Variants in MAML2 observed in about 807,000 individuals in gnomAD.
The protein encoded by MAML2 is mastermind-like protein 2.
Under a neutral mutation model 96.1 loss-of-function variants are expected in MAML2, and 22 were observed. The observed-to-expected ratio is 0.23, with a 90% CI of 0.16 to 0.33. The LOEUF (loss-of-function observed/expected upper bound fraction) is 0.33, where lower values mean the gene tolerates loss of function less well. Ranked by LOEUF, MAML2 falls within the 10% of genes least tolerant of loss-of-function variation. The pLI is 1.00. For synonymous variants in MAML2, 561 were observed against 521.3 expected, an observed-to-expected ratio of 1.08 and a Z score of -1.04; for missense variants, 1,367 against 1,392.4, an observed-to-expected ratio of 0.98 and a Z score of 0.29.
chr11:95,983,197 T>TA (rs1857768936), intron 4 of MAML2, among the ~76,000 whole-genome samples: 1 of 152,200 alleles, frequency 6.6e-6, no homozygotes, highest in Non-Finnish European at 1.5e-5. Flanking sequence ...ATGACAGTGA[T>TA]ATTGATGATC....
At chr11:96,212,150 T>TGTGTGTG (rs60072122) in intron 1 of MAML2, among the ~76,000 whole-genome samples, 1 of 127,486 alleles carries the variant, frequency 7.8e-6, no homozygotes, top group Non-Finnish European at 1.7e-5. Context: ...TGTGTGTGTG[T>TGTGTGTG]GGAAGGGGGA....
intron 3 of MAML2, among the ~76,000 whole-genome samples, chr11:95,986,930 C>T (rs1857837600): frequency 6.6e-6 from 1 of 152,148 alleles, no homozygotes; most frequent in African/African-American, 2.4e-5. Context: ...ATGTCAATAT[C>T]CTCAGTCAAA....
chr11:96,340,269 T>C lies in MAML2; in HGVS notation c.513+1114A>G, dbSNP rs532044684. The stretch of plus-strand genomic sequence containing the variant: ...CATCTCCTTTGGGCTTTTTGAGTAC[T>C]TTGGGGCTTGCATGGCCATTTCCTG... On this transcript the variant is annotated intron_variant, in intron 1 of 4. Transcript: ENST00000524717. 4.9e-4 allele frequency among the ~76,000 whole-genome samples: 74 copies of C among 152,358 alleles called. 1 individual carries two copies. In the South Asian group the frequency reaches 0.015, roughly 32 times the overall value.
At chr11:96,144,299 T>C (rs1234213309) in intron 1 of MAML2, among the ~76,000 whole-genome samples, 1 of 152,222 alleles carries the variant, frequency 6.6e-6, no homozygotes, top group East Asian at 1.9e-4. Flanking sequence ...ATTTTTATAA[T>C]GTAGTTAAGA....
At chr11:96,265,779 G>A (rs1862817194) in intron 1 of MAML2, among the ~76,000 whole-genome samples, 1 of 152,180 alleles carries the variant, frequency 6.6e-6, no homozygotes, top group African/African-American at 2.4e-5. Flanking sequence ...TGGGGCAGTT[G>A]GAGGAGCGCT....
At chr11:96,022,621 T>C (rs540794334) in intron 2 of MAML2, among the ~76,000 whole-genome samples, 10 of 152,292 alleles carry the variant, frequency 6.6e-5, no homozygotes, top group African/African-American at 2.4e-4. Context: ...AGCACTAGGC[T>C]AAGAGGCAAA....
chr11:96,306,272 C>T (rs1397923128), intron 1 of MAML2, among the ~76,000 whole-genome samples: 2 of 152,158 alleles, frequency 1.3e-5, no homozygotes, highest in East Asian at 3.9e-4. Context: ...GCTCTTCTCT[C>T]CTCTTCCAAG....
At chr11:96,020,760 TA>T (rs1858424104) in intron 2 of MAML2, among the ~76,000 whole-genome samples, 1 of 152,222 alleles carries the variant, frequency 6.6e-6, no homozygotes, top group Non-Finnish European at 1.5e-5. Context: ...TATAAATGAA[TA>T]AAACAGGAAT....
intron 1 of MAML2, among the ~76,000 whole-genome samples, chr11:96,182,712 C>T (rs1479593378): frequency 2.0e-5 from 3 of 152,142 alleles, no homozygotes; most frequent in Non-Finnish European, 2.9e-5. Flanking sequence ...CACAAGTCCA[C>T]ACAGCTAGTA....
At chr11:96,123,048 T>C (rs1860377473) in intron 1 of MAML2, among the ~76,000 whole-genome samples, 1 of 152,210 alleles carries the variant, frequency 6.6e-6, no homozygotes. Flanking sequence ...AGCCTTCTAC[T>C]CCTGGATACT....
intron 2 of MAML2, among the ~76,000 whole-genome samples, chr11:96,090,726 T>C (rs1859690009): frequency 6.6e-6 from 1 of 152,240 alleles, no homozygotes; most frequent in South Asian, 2.1e-4. Context: ...AAAGCTGTGC[T>C]TAGTGCATAA....
intron 2 of MAML2, among the ~76,000 whole-genome samples, chr11:96,053,850 C>T (rs1859023456): frequency 6.6e-6 from 1 of 152,124 alleles, no homozygotes; most frequent in African/African-American, 2.4e-5. Context: ...GAACATCTTT[C>T]CTTTCTCTCT....
At position 96,342,312 on chromosome 11, in the gene MAML2, T is replaced by A; in HGVS notation, c.-417A>T. 1 of 419,772 alleles carries A rather than the reference T, an allele frequency of 2.4e-6. No homozygotes were observed. Among genetic ancestry groups the A allele is most frequent in the Non-Finnish European group, 4.2e-6 (1 of 237,738 alleles). The allele number at this position is 419,772 out of a possible 1,614,324, so 26.0% of individuals were successfully genotyped here. ...AGAGACAGAAACACACAGCAAAAGG[T>A]ATTGAGAGAGGTATTAATAGAGAGG... On this transcript the variant is annotated 5_prime_UTR_variant, in exon 1 of 5. Coordinates refer to ENST00000524717, the MANE Select transcript of MAML2 (RefSeq NM_032427.4).
intron 1 of MAML2, among the ~76,000 whole-genome samples, chr11:96,176,484 C>T (rs1370744991): frequency 6.6e-6 from 1 of 151,890 alleles, no homozygotes; most frequent in Non-Finnish European, 1.5e-5. Flanking sequence ...GCTAAGGTAC[C>T]CTGGATCTAT....
In MAML2 at chr11:95,985,524, C is replaced by T. The variant is rs760174005; in HGVS notation, c.2455+7G>A. Reference sequence around the variant, plus strand: ...TATAATTTTTATTAATTTTTAAGAACACTTACCAGAATACTGAGCAGTTGG... The same window carrying T: ...TATAATTTTTATTAATTTTTAAGAATACTTACCAGAATACTGAGCAGTTGG... On this transcript the variant is annotated splice_region_variant and intron_variant, in intron 4 of 4. Coordinates refer to ENST00000524717, the MANE Select transcript of MAML2 (RefSeq NM_032427.4). 1.3e-6 allele frequency: 2 copies of T among 1,534,676 alleles called. No homozygotes were observed. Among genetic ancestry groups the T allele is most frequent in the African/African-American group, 1.4e-5 (1 of 72,900 alleles).
chr11:96,204,960 ACTT>A (rs1368214335), intron 1 of MAML2, among the ~76,000 whole-genome samples: 3 of 152,208 alleles, frequency 2.0e-5, no homozygotes, highest in Non-Finnish European at 2.9e-5. Context: ...GCATCAGTGA[ACTT>A]CTTAAGAATC....
chr11:96,186,515 G>T (rs879426095), intron 1 of MAML2, among the ~76,000 whole-genome samples: 8 of 152,198 alleles, frequency 5.3e-5, no homozygotes, highest in Admixed American at 3.9e-4. Flanking sequence ...CTTGAACCCG[G>T]GAGGTGGAGG....
At chr11:96,227,803 G>T (rs1862236329) in intron 1 of MAML2, among the ~76,000 whole-genome samples, 1 of 152,214 alleles carries the variant, frequency 6.6e-6, no homozygotes, top group Non-Finnish European at 1.5e-5. Flanking sequence ...GCCATCGAAT[G>T]AAATCATTAC....
chr11:96,289,120 A>G (rs1322409586), intron 1 of MAML2, among the ~76,000 whole-genome samples: 1 of 152,202 alleles, frequency 6.6e-6, no homozygotes, highest in African/African-American at 2.4e-5. Flanking sequence ...GAATGATAGA[A>G]AAAGACTTGG....
Sources: allele counts gnomAD v4.1 joint callset (sites outside exome capture counted in the v4.1 genomes callset), GRCh38; gene constraint gnomAD v4.1.1; transcripts MANE v1.5; gene names NCBI Gene and HGNC (gene_info 2026-07-23, HGNC 2026-07-21).